The following DIO1 variants were observed in gnomAD, a reference collection of about 807,000 sequenced individuals.
DIO1 encodes the protein type I iodothyronine deiodinase.
In DIO1, 17 loss-of-function variants were observed where a neutral mutation model predicts 25.9. The observed-to-expected ratio is 0.66, with a 90% confidence interval of 0.45 to 0.98. The LOEUF (loss-of-function observed/expected upper bound fraction) is 0.98. Among genes scored for constraint, DIO1 ranks in the 50% least tolerant of loss-of-function variants. The pLI is 0.00. For synonymous variants in DIO1, 115 were observed against 114.0 expected, an observed-to-expected ratio of 1.01 and a Z score of -0.05; for missense variants, 270 against 310.4, an observed-to-expected ratio of 0.87 and a Z score of 0.98.
intron 3 of DIO1, among the ~76,000 whole-genome samples, chr1:53,906,655 TTTCTTTC>T (rs931738967): frequency 6.7e-6 from 1 of 148,660 alleles, no homozygotes; most frequent in African/African-American, 2.5e-5. Flanking sequence ...TTTGGGTTTC[TTTCTTTC>T]TTTTTTTTTT....
At chr1:53,896,276 G>A (rs761026945) in intron 1 of DIO1, among the ~76,000 whole-genome samples, 24 of 144,832 alleles carry the variant, frequency 1.7e-4, no homozygotes, top group Non-Finnish European at 3.1e-4. Flanking sequence ...GGAGTGTAGG[G>A]GTATGATCAC....
intron 1 of DIO1, among the ~76,000 whole-genome samples, chr1:53,900,805 C>T (rs1218778520): frequency 8.6e-5 from 13 of 151,894 alleles, no homozygotes; most frequent in East Asian, 1.9e-4. Flanking sequence ...CTAGCCCAGG[C>T]GCCCATTTTC....
chr1:53,908,313 C>T (rs548384406), intron 3 of DIO1, among the ~76,000 whole-genome samples: 18 of 152,192 alleles, frequency 1.2e-4, no homozygotes, highest in Non-Finnish European at 2.4e-4. Flanking sequence ...AAGACTATTA[C>T]AGTGTCCCAA....
chr1:53,898,497 C>G (rs1414695167), intron 1 of DIO1, among the ~76,000 whole-genome samples: 1 of 152,116 alleles, frequency 6.6e-6, no homozygotes, highest in Admixed American at 6.6e-5. Flanking sequence ...GTAATCCCAG[C>G]ACTTTGGGAG....
At chr1:53,909,647 A>C (rs1651849207) in intron 3 of DIO1, among the ~76,000 whole-genome samples, 1 of 152,210 alleles carries the variant, frequency 6.6e-6, no homozygotes, top group South Asian at 2.1e-4. Context: ...TGATTATGGA[A>C]GAAAAGCTTA....
intron 3 of DIO1, among the ~76,000 whole-genome samples, chr1:53,909,066 C>G (rs962703655): frequency 9.3e-5 from 14 of 149,810 alleles, no homozygotes; most frequent in Non-Finnish European, 1.6e-4. Flanking sequence ...TGCACTCCAG[C>G]CTGGGCGACA....
chr1:53,903,734 A>G (rs1471878558), intron 1 of DIO1, among the ~76,000 whole-genome samples: 1 of 151,858 alleles, frequency 6.6e-6, no homozygotes, highest in East Asian at 1.9e-4. Flanking sequence ...CTGGAGTCCC[A>G]GCTACTCAGG....
rs1351242960 is a variant in DIO1 at position 53,908,393 on chromosome 1, A to G, written c.682-1538A>G. Reference sequence around the variant, plus strand: ...TAGGGCCTGATAGTAAATATTTTCAACTTTGTGCCAAGTAATCCCTGTCGC... The same window carrying G: ...TAGGGCCTGATAGTAAATATTTTCAGCTTTGTGCCAAGTAATCCCTGTCGC... On this transcript the variant is annotated intron_variant, in intron 3 of 3. Transcript: ENST00000361921. Among the ~76,000 whole-genome samples, 3 of 152,284 alleles carry G rather than the reference A, an allele frequency of 2.0e-5. 1 individual carries two copies. Among genetic ancestry groups the G allele is most frequent in the Middle Eastern group, 6.8e-3 (2 of 294 alleles).
chr1:53,906,564 TC>T lies in DIO1; in HGVS notation c.681+272del, dbSNP rs536265714. Among the ~76,000 whole-genome samples, 328 of 152,342 alleles carry T rather than the reference TC, an allele frequency of 2.2e-3. 2 individuals carry two copies. Among genetic ancestry groups the T allele is most frequent in the Middle Eastern group, 0.01 (3 of 294 alleles). ...GGACTGGAGCTGCATCCTCCCGGCT[TC>T]CTTTTGAACCCAGATGATGGCCCAG... On this transcript the variant is annotated intron_variant, in intron 3 of 3. Coordinates refer to ENST00000361921, the MANE Select transcript of DIO1 (RefSeq NM_000792.7).
chr1:53,902,804 TG>T (rs1450392731), intron 1 of DIO1, among the ~76,000 whole-genome samples: 1 of 151,816 alleles, frequency 6.6e-6, no homozygotes, highest in Non-Finnish European at 1.5e-5. Context: ...GCCTTGTCCT[TG>T]GGATTTAATG....
At chr1:53,900,276 C>T (rs1375432897) in intron 1 of DIO1, among the ~76,000 whole-genome samples, 1 of 152,124 alleles carries the variant, frequency 6.6e-6, no homozygotes, top group Non-Finnish European at 1.5e-5. Context: ...TCCGTTTTCC[C>T]CTCCTGTTCT....
Position 53,906,113 on chromosome 1 carries a change from A to T in DIO1, c.500A>T (p.Asn167Ile). 1 of 1,614,194 alleles carries T rather than the reference A, an allele frequency of 6.2e-7. No individual in the cohort carries two copies. The highest frequency in any genetic ancestry group is 8.5e-7 in the Non-Finnish European group (1 of 1,180,038). The change falls in exon 3 of 4, where the codon AAC becomes ATC. Residue 167 changes from asparagine (N) to isoleucine (I), a missense_variant. Physicochemically the swap from Asn to Ile is moderately radical, Grantham distance 149 (BLOSUM62 -3). Coordinates refer to ENST00000361921, the MANE Select transcript of DIO1 (RefSeq NM_000792.7). ...CTTGTAGATGGCTGGGCTTTTAAGA[A>T]CAACATGGACATCAGAAATCACCAG... is the stretch of plus-strand genomic sequence containing the variant. ...AHASDGWAFK[N>I]NMDIRNHQNL...
chr1:53,895,169 A>G (rs770595238), intron 1 of DIO1, among the ~76,000 whole-genome samples: 42 of 152,286 alleles, frequency 2.8e-4, no homozygotes, highest in Middle Eastern at 3.4e-3. Flanking sequence ...TCACGCCTGT[A>G]ATCCCGGCAC....
At chr1:53,905,924 A>T (rs1262546458) in intron 2 of DIO1, among the ~76,000 whole-genome samples, 171 bp from the exon 3 acceptor site, 1 of 152,238 alleles carries the variant, frequency 6.6e-6, no homozygotes, top group Non-Finnish European at 1.5e-5. Flanking sequence ...TCAGTTCTGG[A>T]TCAATCACTA....
chr1:53,901,140 TC>T (rs1334970653), intron 1 of DIO1, among the ~76,000 whole-genome samples: 3 of 151,954 alleles, frequency 2.0e-5, no homozygotes, highest in African/African-American at 7.3e-5. Context: ...CCATTGTCTT[TC>T]ATGTAGACTT....
intron 3 of DIO1, among the ~76,000 whole-genome samples, chr1:53,907,182 C>T (rs540871421): frequency 2.0e-5 from 3 of 152,250 alleles, no homozygotes; most frequent in South Asian, 2.1e-4. Context: ...CAGGGATGTG[C>T]GGCAGAAATG....
chr1:53,905,731 G>A (rs545173642), intron 2 of DIO1, among the ~76,000 whole-genome samples: 110 of 152,320 alleles, frequency 7.2e-4, no homozygotes, highest in Non-Finnish European at 1.4e-3. Flanking sequence ...TGGTCTAGGC[G>A]CCAGCAGTCT....
At chr1:53,895,732 T>A (rs1399660296) in intron 1 of DIO1, among the ~76,000 whole-genome samples, 1 of 152,224 alleles carries the variant, frequency 6.6e-6, no homozygotes, top group African/African-American at 2.4e-5. Flanking sequence ...CTCTAGCTTT[T>A]CTTCTCAATT....
At chr1:53,909,290 C>T (rs969189657) in intron 3 of DIO1, among the ~76,000 whole-genome samples, 4 of 148,410 alleles carry the variant, frequency 2.7e-5, no homozygotes, top group African/African-American at 1.0e-4. Flanking sequence ...GTGGAGTGCA[C>T]CCGTATTCCC....
Sources: gnomAD v4.1 joint callset for allele counts (sites outside exome capture counted in the v4.1 genomes callset) on GRCh38, gnomAD v4.1.1 for gene constraint, MANE v1.5 for transcripts, NCBI Gene and HGNC (gene_info 2026-07-23, HGNC 2026-07-21) for gene names.